Variants in CDK8 observed in about 807,000 individuals in gnomAD.
CDK8 encodes cyclin-dependent kinase 8.
Under a neutral mutation model 71.5 loss-of-function variants are expected in CDK8, and 29 were observed. The observed-to-expected ratio is 0.41, with a 90% CI of 0.30 to 0.55. The LOEUF is 0.55. CDK8 is among the 20% of genes least tolerant of loss of function. CDK8 has a pLI of 0.37. For missense variants in CDK8, 288 were observed against 572.6 expected, an observed-to-expected ratio of 0.50 and a Z score of 5.07; for synonymous variants, 161 against 192.1, an observed-to-expected ratio of 0.84 and a Z score of 1.34.
chr13:26,280,659 A>C (rs528056139), intron 1 of CDK8, among the ~76,000 whole-genome samples: 9 of 152,184 alleles, frequency 5.9e-5, no homozygotes, highest in Non-Finnish European at 7.4e-5. Context: ...CTGTTTTTCT[A>C]CTGTGTTGTC....
At chr13:26,348,100 A>G (rs539428561) in intron 2 of CDK8, among the ~76,000 whole-genome samples, 2 of 152,134 alleles carry the variant, frequency 1.3e-5, no homozygotes, top group East Asian at 3.9e-4. Context: ...ATAGATATAT[A>G]TATAGATATG....
chr13:26,310,732 C>T (rs1348460591), intron 1 of CDK8, among the ~76,000 whole-genome samples: 2 of 152,150 alleles, frequency 1.3e-5, no homozygotes, highest in African/African-American at 4.8e-5. Context: ...TCCTAACAGG[C>T]CATGGACCCT....
At chr13:26,371,411 A>AG (rs1874678117) in intron 4 of CDK8, among the ~76,000 whole-genome samples, 1 of 152,150 alleles carries the variant, frequency 6.6e-6, no homozygotes, top group Non-Finnish European at 1.5e-5. Context: ...CTCAATATTT[A>AG]GGGGGAGAAG....
chr13:26,309,020 TG>T (rs1178664268), intron 1 of CDK8, among the ~76,000 whole-genome samples: 2 of 152,212 alleles, frequency 1.3e-5, no homozygotes, highest in Non-Finnish European at 2.9e-5. Context: ...CTTATAGGAT[TG>T]TTATGAGAAA....
At chr13:26,270,955 A>G (rs760077005) in intron 1 of CDK8, among the ~76,000 whole-genome samples, 38 of 152,234 alleles carry the variant, frequency 2.5e-4, no homozygotes, top group Middle Eastern at 3.4e-3. Flanking sequence ...CAGGGTTGCA[A>G]TTTCTCCACG....
At position 26,254,250 on chromosome 13, in the gene CDK8, G is replaced by T. The variant is rs12871276; in HGVS notation, c.-392G>T. 1 of 277,250 alleles carries T rather than the reference G, an allele frequency of 3.6e-6. No individual in the cohort carries two copies. The highest frequency in any genetic ancestry group is 6.7e-5 in the South Asian group (1 of 14,980). The allele number at this position is 277,250 out of a possible 1,614,324, so 17.2% of individuals were successfully genotyped here. On this transcript the variant is annotated 5_prime_UTR_variant, in exon 1 of 13. Transcript: ENST00000381527. The surrounding 1 kb of genome is among the most constrained non-coding windows in gnomAD (Gnocchi z 6.7). The stretch of plus-strand genomic sequence containing the variant: ...GGCGTGAGTGCGCGTGTGAGAGGAC[G>T]AGAGCCCGCCTGGCCGCCCCGCCGC...
chr13:26,328,999 G>T (rs1409739552), intron 1 of CDK8, among the ~76,000 whole-genome samples: 1 of 152,048 alleles, frequency 6.6e-6, no homozygotes, highest in Non-Finnish European at 1.5e-5. Flanking sequence ...ATTGGTTCTT[G>T]GCTTTCTTCA....
chr13:26,281,639 A>C (rs1250181166), intron 1 of CDK8, among the ~76,000 whole-genome samples: 1 of 103,982 alleles, frequency 9.6e-6, no homozygotes, highest in Non-Finnish European at 1.7e-5. Flanking sequence ...CAAATCAAGA[A>C]GAAGTCTCTG....
At chr13:26,274,937 T>G (rs1216282839) in intron 1 of CDK8, among the ~76,000 whole-genome samples, 1 of 152,236 alleles carries the variant, frequency 6.6e-6, no homozygotes, top group African/African-American at 2.4e-5. Context: ...TTTTATGGGT[T>G]TCAAAATTAC....
At chr13:26,310,996 T>C (rs554366909) in intron 1 of CDK8, among the ~76,000 whole-genome samples, 9 of 150,886 alleles carry the variant, frequency 6.0e-5, no homozygotes, top group Middle Eastern at 3.5e-3. Flanking sequence ...TCCTGTTCGC[T>C]ATGCTTCAGC....
At chr13:26,326,502 G>C (rs534279520) in intron 1 of CDK8, among the ~76,000 whole-genome samples, 2 of 152,274 alleles carry the variant, frequency 1.3e-5, no homozygotes, top group Admixed American at 6.5e-5. Context: ...TATGGTTCTG[G>C]CCATCTAGAT....
chr13:26,305,004 A>C (rs181713369), intron 1 of CDK8, among the ~76,000 whole-genome samples: 177 of 152,242 alleles, frequency 1.2e-3, no homozygotes, highest in African/African-American at 4.0e-3. Flanking sequence ...CCTGTAGCTT[A>C]CAAGATATTA....
intron 4 of CDK8, among the ~76,000 whole-genome samples, chr13:26,354,938 A>G (rs1165649758): frequency 2.6e-5 from 4 of 152,212 alleles, no homozygotes; most frequent in South Asian, 4.1e-4. Flanking sequence ...ACTATATAAT[A>G]AGGTTTATAA....
At chr13:26,283,389 C>T (rs1405052449) in intron 1 of CDK8, among the ~76,000 whole-genome samples, 1 of 152,030 alleles carries the variant, frequency 6.6e-6, no homozygotes, top group Non-Finnish European at 1.5e-5. Context: ...GCGGGCGGAT[C>T]ACAAGGTTAG....
intron 1 of CDK8, among the ~76,000 whole-genome samples, chr13:26,277,546 A>G (rs546210416): frequency 1.3e-5 from 2 of 152,320 alleles, no homozygotes; most frequent in East Asian, 3.9e-4. Context: ...AAAGGCACAC[A>G]AAATGACAAG....
chr13:26,353,830 C>T lies in CDK8; in HGVS notation c.406C>T (p.Leu136=), dbSNP rs762022329. ...GGTGAAGTCACTATTATATCAGATC[C>T]TAGATGGTATTCACTACCTGCATGC... is the stretch of plus-strand genomic sequence containing the variant. The part of the protein sequence containing the change: ...GMVKSLLYQI[L]DGIHYLHANW... Residue 136 remains leucine (L), a synonymous_variant, in exon 4 of 13, where the codon CTA becomes TTA. Transcript: ENST00000381527. The T allele has an allele frequency of 1.2e-6, 2 of 1,612,860 alleles. No individual in the cohort carries two copies. Among genetic ancestry groups the T allele is most frequent in the Non-Finnish European group, 1.7e-6 (2 of 1,179,004 alleles).
chr13:26,385,534 G>C (rs1015068278), intron 6 of CDK8, among the ~76,000 whole-genome samples, 192 bp downstream of exon 6: 4 of 152,098 alleles, frequency 2.6e-5, no homozygotes, highest in Admixed American at 6.5e-5. Flanking sequence ...CAGTAGTTTT[G>C]AGACCAGCCT....
intron 1 of CDK8, among the ~76,000 whole-genome samples, chr13:26,335,736 T>C (rs1374550400): frequency 1.3e-5 from 2 of 152,170 alleles, no homozygotes; most frequent in Non-Finnish European, 2.9e-5. Context: ...CTACTTCTTA[T>C]CTGTCTGTTC....
At chr13:26,281,126 C>G (rs1020341516) in intron 1 of CDK8, among the ~76,000 whole-genome samples, 1 of 152,230 alleles carries the variant, frequency 6.6e-6, no homozygotes, top group Non-Finnish European at 1.5e-5. Context: ...TCCTGGGCAA[C>G]CAGTGGTCCT....
Sources: gnomAD v4.1 joint callset for allele counts (sites outside exome capture counted in the v4.1 genomes callset) on GRCh38, gnomAD v4.1.1 for gene constraint, Gnocchi (gnomAD v3.1) non-coding constraint, MANE v1.5 for transcripts, NCBI Gene and HGNC (gene_info 2026-07-23, HGNC 2026-07-21) for gene names.